The following DNAH3 variants were observed in gnomAD, a reference collection of about 807,000 sequenced individuals.
DNAH3 encodes the protein dynein axonemal heavy chain 3.
In DNAH3, 332 loss-of-function variants were observed where a neutral mutation model predicts 432.5. The ratio of observed to expected loss-of-function variants is 0.77; its 90% CI spans 0.70 to 0.84. The LOEUF (loss-of-function observed/expected upper bound fraction) is 0.84. Among genes scored for constraint, DNAH3 ranks in the 40% least tolerant of loss-of-function variants. The probability of loss-of-function intolerance (pLI) is 0.00; values close to 1 mark genes in which losing one functional copy is unlikely to be tolerated. For missense variants in DNAH3, 4,861 were observed against 5,114.0 expected (o/e 0.95, Z 1.51); for synonymous variants, 1,956 against 1,900.2 (o/e 1.03, Z -0.76).
At chr16:21,047,555 G>A (rs888274220) in intron 31 of DNAH3, among the ~76,000 whole-genome samples, 1 of 149,748 alleles carries the variant, frequency 6.7e-6, no homozygotes, top group East Asian at 2.0e-4. Flanking sequence ...CTCTGTATTG[G>A]TTATTCTAGT....
chr16:20,943,157 T>G (rs947269048), intron 58 of DNAH3, among the ~76,000 whole-genome samples: 9 of 152,090 alleles, frequency 5.9e-5, no homozygotes, highest in Non-Finnish European at 1.2e-4. Flanking sequence ...CTCAGCTCAC[T>G]GCAGCCTCAA....
At chr16:20,940,712 G>A (rs531371999) in intron 59 of DNAH3, among the ~76,000 whole-genome samples, 11 of 151,894 alleles carry the variant, frequency 7.2e-5, no homozygotes, top group East Asian at 5.8e-4. Context: ...AATTACAGGC[G>A]TTAGCCACTG....
intron 14 of DNAH3, among the ~76,000 whole-genome samples, chr16:21,108,757 T>C (rs896392713): frequency 1.3e-4 from 19 of 150,548 alleles, no homozygotes; most frequent in African/African-American, 4.4e-4. Context: ...TTTTAAAAAG[T>C]GTCCGAGTAG....
intron 29 of DNAH3, among the ~76,000 whole-genome samples, chr16:21,050,699 C>T (rs2089919299): frequency 6.6e-6 from 1 of 152,194 alleles, no homozygotes; most frequent in African/African-American, 2.4e-5. Flanking sequence ...CCACCTTGGC[C>T]TTCCAAAGTG....
chr16:20,982,840 G>A (rs1446054977), exon 49 of DNAH3: 5 of 1,614,066 alleles, frequency 3.1e-6, no homozygotes, highest in Admixed American at 3.3e-5. Flanking sequence ...TCAGCGAAGG[G>A]AACATCCGCA....
intron 1 of DNAH3, among the ~76,000 whole-genome samples, chr16:21,157,832 A>G (rs1202219553): frequency 6.6e-6 from 1 of 151,046 alleles, no homozygotes; most frequent in Admixed American, 6.6e-5. Context: ...AGTTGCCATC[A>G]TGCTCTATAG....
At chr16:21,124,245 A>G (rs1471001620) in intron 9 of DNAH3, among the ~76,000 whole-genome samples, 1 of 152,218 alleles carries the variant, frequency 6.6e-6, no homozygotes, top group African/African-American at 2.4e-5. Context: ...CACTCCCTCA[A>G]TATCAAGCCA....
At chr16:20,954,783 A>AG (rs1435264320) in intron 55 of DNAH3, 30 bp downstream of exon 55, 13 of 1,607,936 alleles carry the variant, frequency 8.1e-6, no homozygotes, top group African/African-American at 1.3e-5. Flanking sequence ...CCTTTCCCTC[A>AG]GGCCACTCAG....
intron 41 of DNAH3, among the ~76,000 whole-genome samples, chr16:21,009,944 A>C (rs991158192): frequency 7.4e-6 from 1 of 135,354 alleles, no homozygotes; most frequent in Non-Finnish European, 1.6e-5. Flanking sequence ...AGGGGAGGAA[A>C]AGAAGGAAGG....
At chr16:20,965,715 T>A (rs2085025057) in intron 52 of DNAH3, among the ~76,000 whole-genome samples, 1 of 152,096 alleles carries the variant, frequency 6.6e-6, no homozygotes, top group African/African-American at 2.4e-5. Context: ...ATTTTATTTA[T>A]TCATTTATTT....
intron 40 of DNAH3, among the ~76,000 whole-genome samples, chr16:21,020,397 A>ATATATAT (rs1555530020): frequency 1.7e-4 from 6 of 34,596 alleles, no homozygotes; most frequent in South Asian, 2.0e-3. Context: ...ATATATATAT[A>ATATATAT]TTTTTTTTTT....
chr16:21,089,328 G>GT (rs2091466801), intron 18 of DNAH3, among the ~76,000 whole-genome samples: 1 of 152,182 alleles, frequency 6.6e-6, no homozygotes. Context: ...GTCTAGCACA[G>GT]TAACAGCCCT....
At chr16:21,154,278 ACCAGTAATC>A (rs2092884683) in intron 1 of DNAH3, among the ~76,000 whole-genome samples, 2 of 152,170 alleles carry the variant, frequency 1.3e-5, no homozygotes, top group Admixed American at 1.3e-4. Flanking sequence ...GGTGGCAGGC[ACCAGTAATC>A]CCAGCTTCTT....
chr16:21,007,522 G>A (rs773359653), intron 41 of DNAH3, among the ~76,000 whole-genome samples: 10 of 151,836 alleles, frequency 6.6e-5, no homozygotes, highest in East Asian at 1.9e-4. Flanking sequence ...TGTAAATAAC[G>A]GTCTATTCAG....
rs61734980 is a variant in DNAH3 at position 20,985,659 on chromosome 16, G to C, written c.7083C>G (p.Leu2361=). The C allele has an allele frequency of 0.046, 74,717 of 1,614,154 alleles. 2,001 individuals are homozygous for C. Among genetic ancestry groups the C allele is most frequent in the Non-Finnish European group, 0.054 (63,699 of 1,180,018 alleles). Residue 2361 remains leucine (L), a synonymous_variant, in exon 48 of 62, where the codon CTC becomes CTG. Transcript: ENST00000261383. ...CTGGCTTGAAATAATCTCCAAAGAA[G>C]AGGCTTCGAATGTTATCATCGACTA...
chr16:20,938,966 T>C (rs927369543), intron 59 of DNAH3, among the ~76,000 whole-genome samples: 12 of 152,092 alleles, frequency 7.9e-5, no homozygotes, highest in Non-Finnish European at 1.5e-4. Flanking sequence ...GGTTTTGCCA[T>C]GTTGCCCAAG....
intron 27 of DNAH3, among the ~76,000 whole-genome samples, chr16:21,056,915 T>A (rs2090156049): frequency 6.6e-6 from 1 of 152,218 alleles, no homozygotes; most frequent in Non-Finnish European, 1.5e-5. Flanking sequence ...ATATGTCTAT[T>A]AGGATTTATC....
intron 8 of DNAH3, 113 bp downstream of exon 9, chr16:21,127,574 A>G (rs1052018477): frequency 1.6e-6 from 2 of 1,276,856 alleles, no homozygotes; most frequent in African/African-American, 3.0e-5. Context: ...AAAAAAAAAG[A>G]CACGAAAGGA....
At chr16:21,020,744 T>G (rs2088170033) in intron 40 of DNAH3, among the ~76,000 whole-genome samples, 1 of 152,058 alleles carries the variant, frequency 6.6e-6, no homozygotes, top group Non-Finnish European at 1.5e-5. Flanking sequence ...ACATGATATA[T>G]AATTTACCAT....
Sources: gnomAD v4.1 joint callset for allele counts (sites outside exome capture counted in the v4.1 genomes callset) on GRCh38, gnomAD v4.1.1 for gene constraint, MANE v1.5 for transcripts, NCBI Gene and HGNC (gene_info 2026-07-23, HGNC 2026-07-21) for gene names.